The following CHRM3 variants were observed in gnomAD, a reference collection of about 807,000 sequenced individuals.
The protein encoded by CHRM3 is muscarinic acetylcholine receptor M3.
In CHRM3, 11 loss-of-function variants were observed where a neutral mutation model predicts 41.8. The ratio of observed to expected loss-of-function variants is 0.26; its 90% CI spans 0.17 to 0.44. The LOEUF (loss-of-function observed/expected upper bound fraction) is 0.44. Ranked by LOEUF, CHRM3 falls within the 20% of genes least tolerant of loss-of-function variation. CHRM3 has a pLI of 1.00. For synonymous variants in CHRM3, 297 were observed against 301.4 expected, an observed-to-expected ratio of 0.99 and a Z score of 0.15; for missense variants, 571 against 745.4, an observed-to-expected ratio of 0.77 and a Z score of 2.72.
At chr1:239,617,263 T>C (rs190131459) in intron 3 of CHRM3, among the ~76,000 whole-genome samples, 2 of 152,300 alleles carry the variant, frequency 1.3e-5, no homozygotes, top group Admixed American at 6.5e-5. Flanking sequence ...CATATCTCTT[T>C]CTCGAATATT....
At chr1:239,672,625 C>CT (rs1674494047) in intron 4 of CHRM3, among the ~76,000 whole-genome samples, 1 of 151,558 alleles carries the variant, frequency 6.6e-6, no homozygotes, top group South Asian at 2.1e-4. Context: ...CACACACACA[C>CT]ACACAGAAAG....
intron 6 of CHRM3, among the ~76,000 whole-genome samples, chr1:239,868,280 A>G (rs781563107): frequency 6.6e-6 from 1 of 152,054 alleles, no homozygotes; most frequent in Admixed American, 6.5e-5. Flanking sequence ...GCATCAGGGT[A>G]CTCTAGTACA....
intron 6 of CHRM3, among the ~76,000 whole-genome samples, chr1:239,829,541 C>CA (rs1466793463): frequency 6.6e-6 from 1 of 151,842 alleles, no homozygotes; most frequent in Admixed American, 6.6e-5. Flanking sequence ...CTTTCTATAC[C>CA]AAAAAAGCAT....
At chr1:239,475,403 A>G (rs539710247) in intron 1 of CHRM3, among the ~76,000 whole-genome samples, 1 of 152,270 alleles carries the variant, frequency 6.6e-6, no homozygotes, top group African/African-American at 2.4e-5. Context: ...CCATAACCCC[A>G]GTCTAATAAT....
intron 6 of CHRM3, among the ~76,000 whole-genome samples, chr1:239,854,376 GAAC>G (rs112415835): frequency 0.031 from 4,773 of 152,044 alleles, 254 homozygotes; most frequent in African/African-American, 0.11. Context: ...GATGTACAGT[GAAC>G]AACAAAAACA....
intron 4 of CHRM3, among the ~76,000 whole-genome samples, chr1:239,644,730 A>G (rs1474878034): frequency 1.3e-5 from 2 of 152,300 alleles, no homozygotes; most frequent in East Asian, 3.9e-4. Flanking sequence ...CCATTAAAAT[A>G]CAGATGGTGA....
At chr1:239,822,607 C>T (rs1403457259) in intron 5 of CHRM3, among the ~76,000 whole-genome samples, 2 of 152,170 alleles carry the variant, frequency 1.3e-5, no homozygotes, top group African/African-American at 2.4e-5. Flanking sequence ...CCCCAGATCT[C>T]AATCCAGGAA....
chr1:239,801,763 T>C (rs1001363476), intron 5 of CHRM3, among the ~76,000 whole-genome samples: 3 of 152,214 alleles, frequency 2.0e-5, no homozygotes, highest in African/African-American at 7.2e-5. Flanking sequence ...AGGAGAGTTA[T>C]GAAGAATGAA....
At chr1:239,667,052 C>T (rs998904278) in intron 4 of CHRM3, among the ~76,000 whole-genome samples, 1 of 152,156 alleles carries the variant, frequency 6.6e-6, no homozygotes, top group African/African-American at 2.4e-5. Flanking sequence ...TGCATCTCTT[C>T]TCAAATCACT....
intron 4 of CHRM3, among the ~76,000 whole-genome samples, chr1:239,644,748 G>A (rs767531995): frequency 2.0e-4 from 30 of 152,250 alleles, no homozygotes; most frequent in South Asian, 6.2e-4. Flanking sequence ...TGATTCAGAA[G>A]GGCTGAGCTT....
chr1:239,807,170 A>T lies in CHRM3; in HGVS notation c.-146-20082A>T, dbSNP rs542893897. 1.1e-3 allele frequency among the ~76,000 whole-genome samples: 175 copies of T among 152,364 alleles called. 2 individuals carry two copies. The highest frequency in any genetic ancestry group is 4.1e-3 in the African/African-American group (171 of 41,598). On this transcript the variant is annotated intron_variant, in intron 5 of 6. Transcript: ENST00000676153. Reference sequence around the variant, plus strand: ...CATAAAAGAAATAAAAGTCCTATTTAGGTGGAAGATTATGTGACTTTTTAA... The same window carrying T: ...CATAAAAGAAATAAAAGTCCTATTTTGGTGGAAGATTATGTGACTTTTTAA...
chr1:239,498,914 T>G (rs1668046446), intron 2 of CHRM3, among the ~76,000 whole-genome samples: 1 of 152,180 alleles, frequency 6.6e-6, no homozygotes, highest in Non-Finnish European at 1.5e-5. Flanking sequence ...ACTGTTTTAT[T>G]TAGCATGCTT....
intron 3 of CHRM3, among the ~76,000 whole-genome samples, chr1:239,601,563 A>G (rs1329281157): frequency 6.6e-6 from 1 of 152,256 alleles, no homozygotes; most frequent in East Asian, 1.9e-4. Context: ...AAAAAGGCTT[A>G]TGGGTACCAA....
chr1:239,650,755 C>T (rs1033993786), intron 4 of CHRM3, among the ~76,000 whole-genome samples: 17 of 152,274 alleles, frequency 1.1e-4, no homozygotes, highest in Admixed American at 3.3e-4. Flanking sequence ...CAGAGGCTAA[C>T]TAAACGTAAT....
chr1:239,512,558 A>G (rs1489731436), intron 2 of CHRM3, among the ~76,000 whole-genome samples: 2 of 152,084 alleles, frequency 1.3e-5, no homozygotes, highest in African/African-American at 4.8e-5. Context: ...TTGGAAACTT[A>G]TAGTCAGTTT....
At chr1:239,753,139 C>CA (rs555485956) in intron 5 of CHRM3, among the ~76,000 whole-genome samples, 35 of 152,146 alleles carry the variant, frequency 2.3e-4, no homozygotes, top group African/African-American at 8.2e-4. Flanking sequence ...ATAGCGAGCA[C>CA]AAAAATCCCT....
chr1:239,795,990 G>A (rs762365405), intron 5 of CHRM3, among the ~76,000 whole-genome samples: 7 of 152,078 alleles, frequency 4.6e-5, no homozygotes, highest in East Asian at 3.8e-4. Context: ...TTTACATTCT[G>A]GCTTGGGGAA....
At chr1:239,522,329 C>T (rs988146898) in intron 2 of CHRM3, among the ~76,000 whole-genome samples, 3 of 152,180 alleles carry the variant, frequency 2.0e-5, no homozygotes, top group South Asian at 2.1e-4. Flanking sequence ...GGCCACCAGC[C>T]GTCACCAACT....
intron 6 of CHRM3, among the ~76,000 whole-genome samples, chr1:239,901,123 G>T (rs968909450): frequency 6.6e-6 from 1 of 152,048 alleles, no homozygotes; most frequent in Non-Finnish European, 1.5e-5. Flanking sequence ...GCCACCTCTG[G>T]GCACCAGACA....
Sources: gnomAD v4.1 joint callset for allele counts (sites outside exome capture counted in the v4.1 genomes callset) on GRCh38, gnomAD v4.1.1 for gene constraint, MANE v1.5 for transcripts, NCBI Gene and HGNC (gene_info 2026-07-23, HGNC 2026-07-21) for gene names.